Variants in CNTNAP2 observed in about 807,000 individuals in gnomAD.
CNTNAP2 encodes the protein contactin associated protein 2, also known as contactin-associated protein-like 2.
Under a neutral mutation model 155.2 loss-of-function variants are expected in CNTNAP2, and 98 were observed. The ratio of observed to expected loss-of-function variants is 0.63; its 90% confidence interval spans 0.54 to 0.75. The LOEUF (loss-of-function observed/expected upper bound fraction) is 0.75, where lower values mean the gene tolerates loss of function less well. CNTNAP2 is among the 30% of genes least tolerant of loss of function. CNTNAP2 has a pLI of 0.00. For missense variants in CNTNAP2, 1,727 were observed against 1,688.1 expected, an observed-to-expected ratio of 1.02 and a Z score of -0.40; for synonymous variants, 651 against 631.2, an observed-to-expected ratio of 1.03 and a Z score of -0.47.
chr7:147,523,869 G>A (rs1444981526), intron 11 of CNTNAP2, among the ~76,000 whole-genome samples: 1 of 152,164 alleles, frequency 6.6e-6, no homozygotes, highest in African/African-American at 2.4e-5. Context: ...GTTACCTGCA[G>A]AAAATAAATA....
chr7:147,375,936 C>T (rs1459154165), intron 9 of CNTNAP2, among the ~76,000 whole-genome samples: 3 of 151,930 alleles, frequency 2.0e-5, no homozygotes, highest in East Asian at 3.9e-4. Flanking sequence ...TTCACAGATA[C>T]CCTGGAAGAA....
chr7:146,166,212 G>C (rs777889052), intron 1 of CNTNAP2, among the ~76,000 whole-genome samples: 2 of 152,062 alleles, frequency 1.3e-5, no homozygotes, highest in Non-Finnish European at 2.9e-5. Context: ...TCCTGCCTCA[G>C]TCTCCCAAGT....
chr7:147,154,289 T>C (rs556972756), intron 8 of CNTNAP2, among the ~76,000 whole-genome samples: 1 of 152,192 alleles, frequency 6.6e-6, no homozygotes, highest in South Asian at 2.1e-4. Flanking sequence ...ATGTGAGACG[T>C]TGGGCATAAA....
chr7:147,249,779 G>T (rs1056532345), intron 8 of CNTNAP2, among the ~76,000 whole-genome samples: 5 of 151,960 alleles, frequency 3.3e-5, no homozygotes, highest in Non-Finnish European at 7.4e-5. Context: ...ATAACTTTGG[G>T]CAGTAATTTT....
chr7:147,531,072 C>T (rs942284234), intron 11 of CNTNAP2, among the ~76,000 whole-genome samples: 4 of 152,204 alleles, frequency 2.6e-5, no homozygotes, highest in Non-Finnish European at 2.9e-5. Flanking sequence ...ATCCAGGTCA[C>T]GCTGATGCAA....
chr7:148,366,054 GTGTA>G lies in CNTNAP2; in HGVS notation c.3476-17592_3476-17589del, dbSNP rs1185389177. On this transcript the variant is annotated intron_variant, in intron 21 of 23. Transcript: ENST00000361727. ...TGTGTGTATGCATGTATGCATGTGT[GTGTA>G]TGCATGTATGCATGTATGTGTGTGC... Among the ~76,000 whole-genome samples, 2 of 4,082 alleles carry G rather than the reference GTGTA, an allele frequency of 4.9e-4. 1 individual carries two copies. Among genetic ancestry groups the G allele is most frequent in the African/African-American group, 7.2e-4 (2 of 2,766 alleles). 2.7% of individuals were successfully genotyped at this position (4,082 alleles called of 152,430 possible).
At chr7:146,677,669 G>T (rs1202958058) in intron 1 of CNTNAP2, among the ~76,000 whole-genome samples, 8 of 148,194 alleles carry the variant, frequency 5.4e-5, no homozygotes, top group Non-Finnish European at 1.2e-4. Flanking sequence ...TGTTATAAGT[G>T]AGAACATGCT....
chr7:146,562,770 T>C (rs1798299436), intron 1 of CNTNAP2, among the ~76,000 whole-genome samples: 1 of 152,182 alleles, frequency 6.6e-6, no homozygotes, highest in Non-Finnish European at 1.5e-5. Flanking sequence ...AAAATTGAAT[T>C]TAAATTTCTA....
intron 1 of CNTNAP2, among the ~76,000 whole-genome samples, chr7:146,168,132 T>C (rs562043295): frequency 6.6e-6 from 1 of 152,246 alleles, no homozygotes; most frequent in South Asian, 2.1e-4. Flanking sequence ...CCCACCCAGA[T>C]TGAGGGTGGG....
chr7:146,710,746 C>T (rs1259336363), intron 1 of CNTNAP2, among the ~76,000 whole-genome samples: 1 of 152,092 alleles, frequency 6.6e-6, no homozygotes, highest in East Asian at 1.9e-4. Context: ...ACTGTGACTG[C>T]TTCTTATCCT....
At chr7:146,267,562 T>C (rs1056991074) in intron 1 of CNTNAP2, among the ~76,000 whole-genome samples, 4 of 152,148 alleles carry the variant, frequency 2.6e-5, no homozygotes, top group Non-Finnish European at 4.4e-5. Flanking sequence ...GGTGATTAGT[T>C]CATGGAGTTA....
chr7:146,256,604 A>G (rs982773885), intron 1 of CNTNAP2, among the ~76,000 whole-genome samples: 11 of 152,000 alleles, frequency 7.2e-5, no homozygotes, highest in Admixed American at 2.0e-4. Context: ...ATCAATAACT[A>G]TATGTTAGTA....
At chr7:147,146,413 A>T (rs10952672) in intron 8 of CNTNAP2, 62,195 of 152,612 alleles carry the variant, frequency 0.41, 13,466 homozygotes, top group South Asian at 0.62. Context: ...ACCACAGGCT[A>T]TGACCTGGAC....
chr7:148,246,986 T>A (rs1027368514), intron 20 of CNTNAP2, among the ~76,000 whole-genome samples: 1 of 152,216 alleles, frequency 6.6e-6, no homozygotes, highest in Admixed American at 6.5e-5. Flanking sequence ...CAAACCTCTT[T>A]GTGTGTGCCT....
chr7:147,375,547 T>C (rs1057265858), intron 9 of CNTNAP2, among the ~76,000 whole-genome samples: 1 of 152,002 alleles, frequency 6.6e-6, no homozygotes, highest in Non-Finnish European at 1.5e-5. Flanking sequence ...TTGAGTGGTG[T>C]AGGGGGCCCC....
intron 15 of CNTNAP2, among the ~76,000 whole-genome samples, chr7:148,035,242 G>A (rs546373923): frequency 8.5e-5 from 13 of 152,334 alleles, no homozygotes; most frequent in African/African-American, 3.1e-4. Flanking sequence ...AAAGGGATTA[G>A]TACAGCTAGA....
chr7:147,227,693 C>T (rs781453111), intron 8 of CNTNAP2, among the ~76,000 whole-genome samples: 1 of 152,092 alleles, frequency 6.6e-6, no homozygotes, highest in Non-Finnish European at 1.5e-5. Context: ...TTACATACAG[C>T]CTGCTTTTGG....
chr7:146,488,809 C>T (rs543767508), intron 1 of CNTNAP2, among the ~76,000 whole-genome samples: 15 of 152,026 alleles, frequency 9.9e-5, no homozygotes, highest in South Asian at 8.3e-4. Context: ...TTTGTGGAGA[C>T]GGGGTTTCTC....
intron 1 of CNTNAP2, among the ~76,000 whole-genome samples, chr7:146,632,656 C>G (rs1413789504): frequency 6.6e-6 from 1 of 151,812 alleles, no homozygotes; most frequent in East Asian, 1.9e-4. Flanking sequence ...AATCCAAAAC[C>G]TTTTGATCTG....
Sources: allele counts gnomAD v4.1 joint callset (sites outside exome capture counted in the v4.1 genomes callset), GRCh38; gene constraint gnomAD v4.1.1; transcripts MANE v1.5; gene names NCBI Gene and HGNC (gene_info 2026-07-23, HGNC 2026-07-21).